NUAK2: variants seen among roughly 807,000 people sequenced by gnomAD.
The protein encoded by NUAK2 is NUAK family SNF1-like kinase 2.
Under a neutral mutation model 29.8 loss-of-function variants are expected in NUAK2, and 20 were observed. The observed-to-expected ratio is 0.67, with a 90% CI of 0.47 to 0.98. NUAK2 has a LOEUF of 0.98. Ranked by LOEUF, NUAK2 falls within the 50% of genes least tolerant of loss-of-function variation. The pLI is 0.00. For synonymous variants in NUAK2, 331 were observed against 342.6 expected, an observed-to-expected ratio of 0.97 and a Z score of 0.37; for missense variants, 719 against 834.5, an observed-to-expected ratio of 0.86 and a Z score of 1.71.
chr1:205,309,572 C>T (rs1017255916), intron 2 of NUAK2, among the ~76,000 whole-genome samples: 6 of 152,152 alleles, frequency 3.9e-5, no homozygotes, highest in South Asian at 2.1e-4. Flanking sequence ...GTGATCAGCC[C>T]GCCTCGGCCT....
chr1:205,320,570 C>T (rs960587357), intron 1 of NUAK2, among the ~76,000 whole-genome samples: 6 of 152,200 alleles, frequency 3.9e-5, no homozygotes, highest in Non-Finnish European at 7.3e-5. Flanking sequence ...GGCTATCTCA[C>T]CGCAAGTTCT....
chr1:205,308,804 C>A lies in NUAK2; in HGVS notation c.353-72G>T. On this transcript the variant is annotated intron_variant, in intron 2 of 6. Coordinates refer to ENST00000367157, the MANE Select transcript of NUAK2 (RefSeq NM_030952.3). The surrounding 1 kb of genome is among the most constrained non-coding windows in gnomAD (Gnocchi z 4.1). The stretch of plus-strand genomic sequence containing the variant: ...GCTCTCCACTGGGGGTGACTCACTC[C>A]TCCCCGACCCCAGGCCCCAAACCAG... The A allele has an allele frequency of 6.4e-7, 1 of 1,555,212 alleles. No individual in the cohort carries two copies. Among genetic ancestry groups the A allele is most frequent in the South Asian group, 1.1e-5 (1 of 88,830 alleles).
intron 1 of NUAK2, among the ~76,000 whole-genome samples, chr1:205,316,626 A>G (rs73085132): frequency 0.034 from 5,174 of 152,318 alleles, 273 homozygotes; most frequent in African/African-American, 0.11. Context: ...AGAAAGAGCC[A>G]TTCACGAATT....
chr1:205,310,251 G>A (rs1662239027), intron 2 of NUAK2, among the ~76,000 whole-genome samples: 1 of 152,106 alleles, frequency 6.6e-6, no homozygotes, highest in Non-Finnish European at 1.5e-5. Flanking sequence ...ATGCCTGGCT[G>A]AGACTCCACC....
chr1:205,315,047 A>G (rs1662307658), intron 1 of NUAK2, among the ~76,000 whole-genome samples: 1 of 152,230 alleles, frequency 6.6e-6, no homozygotes, highest in Non-Finnish European at 1.5e-5. Context: ...GAACAGTTCC[A>G]GCCTCCTGCA....
chr1:205,314,375 T>C (rs749807947), intron 1 of NUAK2, among the ~76,000 whole-genome samples: 7 of 152,208 alleles, frequency 4.6e-5, no homozygotes, highest in African/African-American at 7.2e-5. Flanking sequence ...GGGGATGCGA[T>C]GGGGCTATCC....
At chr1:205,306,599 T>C (rs1357218966) in intron 4 of NUAK2, among the ~76,000 whole-genome samples, 1 of 152,180 alleles carries the variant, frequency 6.6e-6, no homozygotes, top group East Asian at 1.9e-4. Flanking sequence ...ACAGAGATGC[T>C]GTCTCATGCC....
chr1:205,315,216 T>G (rs1364059515), intron 1 of NUAK2, among the ~76,000 whole-genome samples: 1 of 152,136 alleles, frequency 6.6e-6, no homozygotes, highest in Admixed American at 6.5e-5. Context: ...AAAAGAGCCA[T>G]GCATCACCAC....
At chr1:205,318,459 C>T (rs1341536703) in intron 1 of NUAK2, among the ~76,000 whole-genome samples, 1 of 152,252 alleles carries the variant, frequency 6.6e-6, no homozygotes, top group Non-Finnish European at 1.5e-5. Context: ...AGTCACTTCC[C>T]CTCTTCGGGC....
intron 5 of NUAK2, among the ~76,000 whole-genome samples, chr1:205,305,728 T>TTGTG (rs1438315292): frequency 6.6e-6 from 1 of 152,080 alleles, no homozygotes; most frequent in Non-Finnish European, 1.5e-5. Context: ...GTTTGTTTGT[T>TTGTG]TGAGATGGAG....
At chr1:205,316,100 C>A (rs1662325006) in intron 1 of NUAK2, among the ~76,000 whole-genome samples, 1 of 152,142 alleles carries the variant, frequency 6.6e-6, no homozygotes, top group South Asian at 2.1e-4. Context: ...ATAACATAAA[C>A]CTGAACATCT....
Position 205,308,292 on chromosome 1 carries a change from C to G in NUAK2, c.505-62G>C. The G allele has an allele frequency of 7.9e-7, 1 of 1,267,972 alleles. No individual in the cohort carries two copies. Among genetic ancestry groups the G allele is most frequent in the East Asian group, 2.3e-5 (1 of 42,798 alleles). The allele number at this position is 1,267,972 out of a possible 1,614,324, so 78.5% of individuals were successfully genotyped here. On this transcript the variant is annotated intron_variant, in intron 3 of 6. Coordinates refer to ENST00000367157, the MANE Select transcript of NUAK2 (RefSeq NM_030952.3). The surrounding 1 kb of genome is among the most constrained non-coding windows in gnomAD (Gnocchi z 4.1). ...AGGGAAGGGAAGATGATGAGGGGCC[C>G]AGTCTGGAGACTGAGGTAAACACAA...
chr1:205,308,451 G>T lies in NUAK2; in HGVS notation c.504+130C>A. The T allele has an allele frequency of 9.6e-7, 1 of 1,045,924 alleles. No individual in the cohort carries two copies. The highest frequency in any genetic ancestry group is 1.4e-6 in the Non-Finnish European group (1 of 702,706). The allele number at this position is 1,045,924 out of a possible 1,614,324, so 64.8% of individuals were successfully genotyped here. A position where few individuals can be genotyped will look rare whatever the true frequency, so the allele number is the denominator to read the frequency against. On this transcript the variant is annotated intron_variant, in intron 3 of 6. Coordinates refer to ENST00000367157, the MANE Select transcript of NUAK2 (RefSeq NM_030952.3). The surrounding 1 kb of genome is among the most constrained non-coding windows in gnomAD (Gnocchi z 4.1). The stretch of plus-strand genomic sequence containing the variant: ...CAGAGACACTGACATTTCCCTGAGA[G>T]TCCAGAATCTAGTTTTGCCTCTGTT...
At chr1:205,311,564 A>G in intron 2 of NUAK2, 141 bp downstream of exon 2, 1 of 1,078,652 alleles carries the variant, frequency 9.3e-7, no homozygotes, top group Non-Finnish European at 1.3e-6. Flanking sequence ...CTGAGTTTCA[A>G]ATCCAGCTCC....
chr1:205,306,748 C>A (rs1662186149), intron 4 of NUAK2, among the ~76,000 whole-genome samples: 1 of 152,200 alleles, frequency 6.6e-6, no homozygotes, highest in Non-Finnish European at 1.5e-5. Flanking sequence ...ACCTCTCCTG[C>A]AGCTGCTAGC....
Position 205,303,872 on chromosome 1 carries a change from G to T in NUAK2, c.1465C>A (p.Pro489Thr). 1 of 1,613,868 alleles carries T rather than the reference G, an allele frequency of 6.2e-7. No homozygotes were observed. The highest frequency in any genetic ancestry group is 1.7e-5 in the Admixed American group (1 of 59,964). Residue 489 changes from proline to threonine, a missense_variant, in exon 7 of 7, where the codon CCG (proline) becomes ACG (threonine). Physicochemically the swap from Pro to Thr is conservative, Grantham distance 38. This residue lies in a region of NUAK2 where 430 missense variants were observed against 465.7 expected (regional missense o/e 0.92). Transcript: ENST00000367157. ...TGGAGGAGCAGCCCTGAAGCTTGCGGAGGCTTCTGCTCCTTGGGATCCCCA... is the reference window on the plus strand; with the variant it reads ...TGGAGGAGCAGCCCTGAAGCTTGCGTAGGCTTCTGCTCCTTGGGATCCCCA... ...VSGDPKEQKPPQASGLLLHRK... is the reference protein window; with the variant it reads ...VSGDPKEQKPTQASGLLLHRK...
At position 205,303,781 on chromosome 1, in the gene NUAK2, G is replaced by T. The variant is rs749927931; in HGVS notation, c.1556C>A (p.Thr519Asn). 38 of 1,560,068 alleles carry T rather than the reference G, an allele frequency of 2.4e-5. No individual in the cohort carries two copies. The highest frequency in any genetic ancestry group is 1.7e-4 in the Middle Eastern group (1 of 5,788). Reference protein sequence around the residue: ...SQTALELAAPTTFGSLDELAP... With the variant: ...SQTALELAAPNTFGSLDELAP... The stretch of plus-strand genomic sequence containing the variant: ...GAGTTCATCCAGGGAGCCGAAGGTG[G>T]TGGGGGCCGCGAGCTCCAAGGCTGT... The change falls in exon 7 of 7, where the codon ACC becomes AAC. Residue 519 changes from threonine to asparagine, a missense_variant. By Grantham distance (65) the Thr-to-Asn change is moderately conservative (BLOSUM62 0). This residue lies in a region of NUAK2 where 430 missense variants were observed against 465.7 expected (regional missense o/e 0.92). Transcript: ENST00000367157.
intron 1 of NUAK2, among the ~76,000 whole-genome samples, chr1:205,315,134 G>A (rs571577614): frequency 3.5e-4 from 54 of 152,280 alleles, no homozygotes; most frequent in Admixed American, 2.9e-3. Context: ...ATCACAGTAC[G>A]GCTGGCACTT....
In NUAK2 at chr1:205,321,551, C is replaced by T. The variant is rs897774207; in HGVS notation, c.78G>A (p.Gly26=). ...TTAGGGGCTTGGGCGACTTGATCAG[C>T]CCTTCCGCCAGCGGCCGGGCTAGCT... ...AAELARPLAE[G]LIKSPKPLMK... is the part of the protein sequence containing the mutation. Residue 26 remains glycine (G), a synonymous_variant, in exon 1 of 7, where the codon GGG becomes GGA. Coordinates refer to ENST00000367157, the MANE Select transcript of NUAK2 (RefSeq NM_030952.3). 6.2e-7 allele frequency: 1 copy of T among 1,613,676 alleles called. No homozygotes were observed. Among genetic ancestry groups the T allele is most frequent in the Admixed American group, 1.7e-5 (1 of 60,004 alleles).
Sources: allele counts gnomAD v4.1 joint callset (sites outside exome capture counted in the v4.1 genomes callset), GRCh38; gene constraint gnomAD v4.1.1; regional missense constraint gnomAD v4.1.1; non-coding constraint Gnocchi (gnomAD v3.1); transcripts MANE v1.5; gene names NCBI Gene and HGNC (gene_info 2026-07-23, HGNC 2026-07-21).